Variants in AMPH observed in about 807,000 individuals in gnomAD.
AMPH encodes amphiphysin.
A neutral mutation model predicts 99.1 loss-of-function variants in AMPH; 49 were observed. That is an observed-to-expected ratio of 0.49 (90% CI 0.39 to 0.63). The LOEUF (loss-of-function observed/expected upper bound fraction) is 0.63, where lower values mean the gene tolerates loss of function less well. Ranked by LOEUF, AMPH falls within the 20% of genes least tolerant of loss-of-function variation. The probability of loss-of-function intolerance (pLI) is 0.00; values close to 1 mark genes in which losing one functional copy is unlikely to be tolerated. For synonymous variants in AMPH, 314 were observed against 317.3 expected, an observed-to-expected ratio of 0.99 and a Z score of 0.11; for missense variants, 759 against 863.4, an observed-to-expected ratio of 0.88 and a Z score of 1.52.
intron 5 of AMPH, among the ~76,000 whole-genome samples, chr7:38,488,695 T>A (rs555726618): frequency 1.3e-5 from 2 of 152,188 alleles, no homozygotes; most frequent in East Asian, 3.9e-4. Context: ...TGCCTTTCTA[T>A]ACACTGGTAA....
intron 6 of AMPH, among the ~76,000 whole-genome samples, chr7:38,476,410 G>A (rs1185487592): frequency 2.0e-5 from 3 of 152,188 alleles, no homozygotes; most frequent in Non-Finnish European, 4.4e-5. Flanking sequence ...GTCGGCATCT[G>A]TAACTTGCTG....
chr7:38,566,075 C>A (rs1378411829), intron 1 of AMPH, among the ~76,000 whole-genome samples: 1 of 152,114 alleles, frequency 6.6e-6, no homozygotes, highest in Non-Finnish European at 1.5e-5. Flanking sequence ...GCTCCTTTCC[C>A]TTACTCTCTG....
At chr7:38,417,119 G>C (rs1785406184) in intron 17 of AMPH, among the ~76,000 whole-genome samples, 1 of 152,090 alleles carries the variant, frequency 6.6e-6, no homozygotes, top group South Asian at 2.1e-4. Context: ...ACTCGCCATG[G>C]GTATTTGGTA....
chr7:38,461,018 T>G (rs1291079960), intron 11 of AMPH, among the ~76,000 whole-genome samples: 1 of 152,188 alleles, frequency 6.6e-6, no homozygotes, highest in Non-Finnish European at 1.5e-5. Context: ...AAAAATAAGA[T>G]AAATTATTCA....
chr7:38,442,307 C>T (rs78584523), intron 11 of AMPH, among the ~76,000 whole-genome samples: 3,702 of 152,276 alleles, frequency 0.024, 57 homozygotes, highest in South Asian at 0.076. Flanking sequence ...CTGCCATATG[C>T]TTACTCAGTC....
chr7:38,593,962 C>T (rs931841003), intron 1 of AMPH, among the ~76,000 whole-genome samples: 2 of 152,100 alleles, frequency 1.3e-5, no homozygotes, highest in South Asian at 2.1e-4. Flanking sequence ...TAGGACATGG[C>T]GAGAGCGGTG....
At position 38,438,775 on chromosome 7, in the gene AMPH, TA is replaced by T. The variant is rs1397855531; in HGVS notation, c.1018-2388del. On this transcript the variant is annotated intron_variant, in intron 11 of 20. Coordinates refer to ENST00000356264, the MANE Select transcript of AMPH (RefSeq NM_001635.4). ...CTTTGAGCCTCGGTTTCTTCATGAA[TA>T]AAATGGGATTAATAAGACCTAATAG... Among the ~76,000 whole-genome samples, 6 of 152,234 alleles carry T rather than the reference TA, an allele frequency of 3.9e-5. No individual in the cohort carries two copies. The East Asian group carries it at 1.2e-3, about 29-fold the overall frequency.
intron 1 of AMPH, among the ~76,000 whole-genome samples, chr7:38,553,694 G>A (rs1171466120): frequency 1.3e-5 from 2 of 152,184 alleles, no homozygotes; most frequent in Admixed American, 1.3e-4. Context: ...ATGGGGCCTT[G>A]AGTATTGCCA....
chr7:38,427,899 T>C (rs780593320), intron 14 of AMPH: 4 of 456,620 alleles, frequency 8.8e-6, no homozygotes, highest in Non-Finnish European at 1.8e-5. Context: ...AGCAATTTCA[T>C]CTTCAGATAA....
chr7:38,557,022 C>T (rs1343867626), intron 1 of AMPH, among the ~76,000 whole-genome samples: 2 of 152,152 alleles, frequency 1.3e-5, no homozygotes, highest in Non-Finnish European at 1.5e-5. Context: ...CGGACCACAA[C>T]ACCAAATTCC....
At chr7:38,568,632 C>T (rs1017549986) in intron 1 of AMPH, among the ~76,000 whole-genome samples, 2 of 152,190 alleles carry the variant, frequency 1.3e-5, no homozygotes, top group Non-Finnish European at 2.9e-5. Context: ...TGAAGTTGCT[C>T]CTTGATGCAA....
chr7:38,511,922 T>C (rs749431814), intron 2 of AMPH, among the ~76,000 whole-genome samples: 4 of 152,204 alleles, frequency 2.6e-5, no homozygotes, highest in Admixed American at 2.0e-4. Context: ...CAGGCTTATA[T>C]CCAAGTGGTT....
chr7:38,491,826 C>A (rs1224500081), intron 4 of AMPH, among the ~76,000 whole-genome samples: 1 of 152,170 alleles, frequency 6.6e-6, no homozygotes, highest in Non-Finnish European at 1.5e-5. Context: ...GGCTTCAACT[C>A]AGATTTGTCT....
At chr7:38,620,344 G>GTGTGTC (rs1313221556) in intron 1 of AMPH, among the ~76,000 whole-genome samples, 2 of 147,008 alleles carry the variant, frequency 1.4e-5, no homozygotes, top group African/African-American at 2.6e-5. Context: ...ATATGTGTGT[G>GTGTGTC]TGTGTGTGTG....
chr7:38,610,292 G>GAAAGA lies in AMPH; in HGVS notation c.69+20986_69+20990dup, dbSNP rs1562860185. ...AGAAAGAAAGAAAGAAAGAAAGAAA[G>GAAAGA]AAAGAAAAGAAAAGAAAAGAAAAGA... On this transcript the variant is annotated intron_variant, in intron 1 of 20. Transcript: ENST00000356264. Among the ~76,000 whole-genome samples, 11 of 10,870 alleles carry GAAAGA rather than the reference G, an allele frequency of 1.0e-3. 1 individual carries two copies. Among genetic ancestry groups the GAAAGA allele is most frequent in the South Asian group, 3.5e-3 (2 of 570 alleles). The allele number at this position is 10,870 out of a possible 152,430, so 7.1% of individuals were successfully genotyped here.
chr7:38,515,383 T>G (rs1789698985), intron 2 of AMPH, among the ~76,000 whole-genome samples: 1 of 152,068 alleles, frequency 6.6e-6, no homozygotes, highest in African/African-American at 2.4e-5. Flanking sequence ...TCTCATGAGA[T>G]CTGATTGTTT....
At chr7:38,620,318 T>A (rs1188014749) in intron 1 of AMPH, among the ~76,000 whole-genome samples, 4 of 143,884 alleles carry the variant, frequency 2.8e-5, no homozygotes, top group Non-Finnish European at 4.6e-5. Flanking sequence ...TATATACCAA[T>A]TCATTGGAGA....
intron 7 of AMPH, among the ~76,000 whole-genome samples, chr7:38,466,983 T>C (rs1243823906): frequency 6.6e-6 from 1 of 152,270 alleles, no homozygotes; most frequent in Non-Finnish European, 1.5e-5. Context: ...TGACTTCATA[T>C]ATTTTTCTTT....
chr7:38,571,538 C>A (rs1792036748), intron 1 of AMPH, among the ~76,000 whole-genome samples: 1 of 132,692 alleles, frequency 7.5e-6, no homozygotes, highest in African/African-American at 2.8e-5. Context: ...TATATATATT[C>A]TGTATAAATA....
Sources: allele counts gnomAD v4.1 joint callset (sites outside exome capture counted in the v4.1 genomes callset), GRCh38; gene constraint gnomAD v4.1.1; transcripts MANE v1.5; gene names NCBI Gene and HGNC (gene_info 2026-07-23, HGNC 2026-07-21).